The following KMT2C variants were observed in gnomAD, a reference collection of about 807,000 sequenced individuals.
KMT2C encodes histone-lysine N-methyltransferase 2C.
Under a neutral mutation model 507.9 loss-of-function variants are expected in KMT2C, and 88 were observed. The observed-to-expected ratio is 0.17, with a 90% CI of 0.15 to 0.21. The LOEUF (loss-of-function observed/expected upper bound fraction) is 0.21. KMT2C is among the 10% of genes least tolerant of loss of function. The pLI, the probability that KMT2C is intolerant of heterozygous loss-of-function variation, is 1.00. For missense variants in KMT2C, 4,954 were observed against 5,957.8 expected (o/e 0.83, Z 5.55); for synonymous variants, 2,049 against 2,080.8 (o/e 0.98, Z 0.42).
At chr7:152,435,365 G>C (rs1428892799) in intron 1 of KMT2C, among the ~76,000 whole-genome samples, 1 of 151,700 alleles carries the variant, frequency 6.6e-6, no homozygotes, top group Admixed American at 6.6e-5. Context: ...CCAGTGAAAA[G>C]GCCCGACTGA....
Position 152,154,073 on chromosome 7 carries a change from G to A in KMT2C, c.12213C>T (p.Ser4071=), listed in dbSNP as rs2129098525. 1 of 1,613,724 alleles carries A rather than the reference G, an allele frequency of 6.2e-7. No homozygotes were observed. Among genetic ancestry groups the A allele is most frequent in the Non-Finnish European group, 8.5e-7 (1 of 1,179,672 alleles). The part of the protein sequence containing the change: ...TLYFASPFGP[S]PNGPRSGLIS... ...TAAGACCTGATCTGGGACCATTTGG[G>A]GAAGGACCAAAAGGTGACGCAAAAT... Residue 4071 remains serine (S), a synonymous_variant, in exon 48 of 59, where the codon TCC becomes TCT. Transcript: ENST00000262189.
At chr7:152,160,557 T>C (rs1252517965) in intron 43 of KMT2C, among the ~76,000 whole-genome samples, 2 of 151,782 alleles carry the variant, frequency 1.3e-5, no homozygotes, top group South Asian at 2.1e-4. Context: ...CCACCTGATG[T>C]GGATGCTGCG....
At position 152,163,152 on chromosome 7, in the gene KMT2C, G is replaced by T; in HGVS notation, c.10425C>A (p.His3475Gln). The T allele has an allele frequency of 1.9e-6, 3 of 1,614,184 alleles. No homozygotes were observed. Among genetic ancestry groups the T allele is most frequent in the East Asian group, 2.2e-5 (1 of 44,882 alleles). ...GTAAAACCTGCCCCATTTGCTGTTG[G>T]TGTTGTGGAGACTGCTGAAGGGGTC... ...PLGPLQQSPQ[H>Q]QQQMGQVLQQ... Residue 3475 changes from histidine (H) to glutamine (Q), a missense_variant, in exon 43 of 59, where the codon CAC (histidine) becomes CAA (glutamine). Physicochemically the swap from His to Gln is conservative, Grantham distance 24. Coordinates refer to ENST00000262189, the MANE Select transcript of KMT2C (RefSeq NM_170606.3).
intron 52 of KMT2C, among the ~76,000 whole-genome samples, 154 bp downstream of exon 52, chr7:152,147,877 GGT>G (rs2129094741): frequency 1.3e-5 from 2 of 152,208 alleles, no homozygotes; most frequent in South Asian, 4.1e-4. Flanking sequence ...AAGAGAGCAA[GGT>G]GTGAGAACAC....
At chr7:152,208,564 C>T (rs1294703532) in intron 23 of KMT2C, among the ~76,000 whole-genome samples, 1 of 152,148 alleles carries the variant, frequency 6.6e-6, no homozygotes, top group Non-Finnish European at 1.5e-5. Flanking sequence ...AAATACTTCA[C>T]TGAATGAGGT....
At chr7:152,414,113 G>C (rs1378746325) in intron 1 of KMT2C, among the ~76,000 whole-genome samples, 1 of 151,600 alleles carries the variant, frequency 6.6e-6, no homozygotes, top group Non-Finnish European at 1.5e-5. Context: ...AGGAGACTGA[G>C]GCAGGAGAAT....
At chr7:152,335,877 C>T (rs2096929552) in intron 2 of KMT2C, among the ~76,000 whole-genome samples, 1 of 150,306 alleles carries the variant, frequency 6.7e-6, no homozygotes, top group Non-Finnish European at 1.5e-5. Context: ...TCCTGCATTT[C>T]AAAGAGAAAA....
intron 42 of KMT2C, among the ~76,000 whole-genome samples, chr7:152,164,075 T>C (rs965905966): frequency 1.3e-5 from 2 of 152,170 alleles, no homozygotes; most frequent in Admixed American, 6.5e-5. Flanking sequence ...ATATGAAATA[T>C]CAAAAACGGT....
chr7:152,204,406 GCAA>G (rs1379431828), intron 25 of KMT2C, among the ~76,000 whole-genome samples: 2 of 152,132 alleles, frequency 1.3e-5, no homozygotes, highest in Non-Finnish European at 1.5e-5. Context: ...GCCAGCCTGG[GCAA>G]CAAAGTGAGA....
intron 31 of KMT2C, among the ~76,000 whole-genome samples, chr7:152,188,823 T>C (rs2093704910): frequency 6.6e-6 from 1 of 152,068 alleles, no homozygotes; most frequent in Non-Finnish European, 1.5e-5. Flanking sequence ...TTGGCCAAGC[T>C]GATCTCAAAC....
In KMT2C at chr7:152,146,687, G is replaced by T. The variant is rs770353201; in HGVS notation, c.13943C>A (p.Ser4648Tyr). 1 of 1,614,050 alleles carries T rather than the reference G, an allele frequency of 6.2e-7. No homozygotes were observed. The highest frequency in any genetic ancestry group is 2.2e-5 in the East Asian group (1 of 44,886). Residue 4648 changes from serine to tyrosine, a missense_variant, in exon 53 of 59, where the codon TCT becomes TAT. Ser to Tyr is a moderately radical substitution (Grantham distance 144). Transcript: ENST00000262189. ...LEPVACVRKK[S>Y]EMLQLFPAYL... ...CGCTGGGAAAAGCTGGAGCATTTCA[G>T]ACTTTTTTCTCACACATGCCACAGG...
intron 1 of KMT2C, among the ~76,000 whole-genome samples, chr7:152,401,391 A>G (rs1405482079): frequency 6.6e-6 from 1 of 151,800 alleles, no homozygotes; most frequent in East Asian, 2.0e-4. Flanking sequence ...ATTAACTTTC[A>G]AGTATTAAAG....
At chr7:152,151,300 G>T in intron 50 of KMT2C, 142 bp downstream of exon 50, 2 of 818,476 alleles carry the variant, frequency 2.4e-6, no homozygotes, top group Non-Finnish European at 3.8e-6. Context: ...AAGCACATCT[G>T]ATATACGCTG....
At chr7:152,198,148 G>C (rs1230100423) in intron 27 of KMT2C, among the ~76,000 whole-genome samples, 2 of 152,138 alleles carry the variant, frequency 1.3e-5, no homozygotes, top group African/African-American at 4.8e-5. Flanking sequence ...ACAAGGACAA[G>C]AGCAGGTCAT....
At position 152,201,293 on chromosome 7, in the gene KMT2C, GACACACAC is replaced by G. The variant is rs3839689; in HGVS notation, c.4092+1633_4092+1640del. 7.6e-3 allele frequency among the ~76,000 whole-genome samples: 1,048 copies of G among 137,032 alleles called. 11 individuals are homozygous for G. The highest frequency in any genetic ancestry group is 0.026 in the African/African-American group (980 of 37,882). 89.9% of individuals were successfully genotyped at this position (137,032 alleles called of 152,430 possible). On this transcript the variant is annotated intron_variant, in intron 26 of 58. Transcript: ENST00000262189. ...CCCTCATGTCACACATACAGACACA[GACACACAC>G]ACACACACACACACACACACACACA... is the stretch of plus-strand genomic sequence containing the variant.
intron 2 of KMT2C, among the ~76,000 whole-genome samples, chr7:152,335,413 G>C (rs1386307820): frequency 1.3e-5 from 2 of 152,170 alleles, no homozygotes; most frequent in Admixed American, 6.5e-5. Context: ...CAAACTTAAG[G>C]AGGAATAAGA....
chr7:152,297,120 G>T (rs2096523690), intron 6 of KMT2C, among the ~76,000 whole-genome samples: 1 of 150,200 alleles, frequency 6.7e-6, no homozygotes, highest in Admixed American at 6.6e-5. Flanking sequence ...GAATATATGT[G>T]AACATATATA....
intron 2 of KMT2C, among the ~76,000 whole-genome samples, chr7:152,348,011 G>C (rs925034175): frequency 6.6e-6 from 1 of 152,080 alleles, no homozygotes; most frequent in African/African-American, 2.4e-5. Context: ...TGAAAAATGG[G>C]ACATCACTAC....
intron 6 of KMT2C, among the ~76,000 whole-genome samples, chr7:152,306,921 G>T (rs968625640): frequency 7.2e-5 from 11 of 152,340 alleles, no homozygotes; most frequent in African/African-American, 2.6e-4. Context: ...TACTTCGGGA[G>T]GATGAGGTGG....
Sources: gnomAD v4.1 joint callset for allele counts (sites outside exome capture counted in the v4.1 genomes callset) on GRCh38, gnomAD v4.1.1 for gene constraint, MANE v1.5 for transcripts, NCBI Gene and HGNC (gene_info 2026-07-23, HGNC 2026-07-21) for gene names.